Variants in STRN observed in about 807,000 individuals in gnomAD.
STRN encodes striatin, also known as protein phosphatase 2 regulatory subunit B'''alpha.
In STRN, 53 loss-of-function variants were observed where a neutral mutation model predicts 96.3. The ratio of observed to expected loss-of-function variants is 0.55; its 90% confidence interval spans 0.44 to 0.69. The LOEUF is 0.69. Among genes scored for constraint, STRN ranks in the 30% least tolerant of loss-of-function variants. STRN has a pLI of 0.00. For missense variants in STRN, 987 were observed against 963.9 expected (o/e 1.02, Z -0.32); for synonymous variants, 428 against 355.9 (o/e 1.20, Z -2.28).
intron 16 of STRN, among the ~76,000 whole-genome samples, chr2:36,850,429 C>T (rs1352286067): frequency 6.6e-5 from 10 of 152,070 alleles, no homozygotes; most frequent in African/African-American, 2.2e-4. Flanking sequence ...AAAACTTGGG[C>T]AAATCTCCAT....
rs1665165386 is a variant in STRN at position 36,966,396 on chromosome 2, C to T, written c.68G>A (p.Gly23Glu). The T allele has an allele frequency of 1.4e-6, 2 of 1,456,024 alleles. No individual in the cohort carries two copies. Among genetic ancestry groups the T allele is most frequent in the South Asian group, 1.4e-5 (1 of 73,648 alleles). 90.2% of individuals were successfully genotyped at this position (1,456,024 alleles called of 1,614,324 possible). Residue 23 changes from glycine to glutamate, a missense_variant, in exon 1 of 18, where the codon GGG becomes GAG. Physicochemically the swap from Gly to Glu is moderately conservative, Grantham distance 98. Coordinates refer to ENST00000263918, the MANE Select transcript of STRN (RefSeq NM_003162.4). ...GGCAGCCTCCGCCAGAGGCCCGAGC[C>T]CCTTGGCACCGCCGGCGCCCGGGTG... Reference protein sequence around the residue: ...NNHPGAGGAKGLGPLAEAAAA... With the variant: ...NNHPGAGGAKELGPLAEAAAA...
chr2:36,966,272 C>G lies in STRN; in HGVS notation c.192G>C (p.Glu64Asp), dbSNP rs763795412. ...CCACCTCCCACTGGGCTCTCTCCAC[C>G]TCGAAGCGGGCCCACTCGTGCTGCA... ...HFLQHEWARF[E>D]VERAQWEVER... is the part of the protein sequence containing the mutation. Residue 64 changes from glutamate (E) to aspartate (D), a missense_variant, in exon 1 of 18, where the codon GAG becomes GAC. Physicochemically the swap from Glu to Asp is conservative, Grantham distance 45. Coordinates refer to ENST00000263918, the MANE Select transcript of STRN (RefSeq NM_003162.4). 6.3e-7 allele frequency: 1 copy of G among 1,587,946 alleles called. No individual in the cohort carries two copies. Among genetic ancestry groups the G allele is most frequent in the East Asian group, 2.4e-5 (1 of 41,604 alleles).
chr2:36,960,848 A>T (rs891598413), intron 1 of STRN, among the ~76,000 whole-genome samples: 1 of 152,106 alleles, frequency 6.6e-6, no homozygotes, highest in Non-Finnish European at 1.5e-5. Context: ...CAGCTGTCCT[A>T]TGAGGCTGCT....
chr2:36,899,474 G>A, intron 6 of STRN, 49 bp downstream of exon 6: 1 of 1,545,718 alleles, frequency 6.5e-7, no homozygotes, highest in Non-Finnish European at 8.8e-7. Context: ...TATACAGTAT[G>A]TATTATAGTC....
At chr2:36,877,843 T>G (rs756598688) in intron 10 of STRN, 48 bp downstream of exon 10, 41 of 1,606,742 alleles carry the variant, frequency 2.6e-5, no homozygotes, top group Non-Finnish European at 3.3e-5. Flanking sequence ...CCCAAGTTTT[T>G]GTTTTTAAAA....
chr2:36,929,499 C>T (rs940365251), intron 1 of STRN, among the ~76,000 whole-genome samples: 10 of 152,058 alleles, frequency 6.6e-5, no homozygotes, highest in Admixed American at 5.9e-4. Flanking sequence ...ATTCTCCTAC[C>T]TCACCCTCCT....
chr2:36,857,489 A>C (rs1202944437), intron 14 of STRN, among the ~76,000 whole-genome samples: 7 of 152,044 alleles, frequency 4.6e-5, no homozygotes, highest in African/African-American at 1.7e-4. Context: ...AGCCTGGCCA[A>C]CACAGCAAAA....
intron 2 of STRN, among the ~76,000 whole-genome samples, chr2:36,920,592 C>A (rs1350078094): frequency 2.7e-5 from 4 of 148,672 alleles, no homozygotes; most frequent in Non-Finnish European, 5.9e-5. Context: ...GAGCTGAGAT[C>A]GTGCCATGGC....
In STRN at chr2:36,841,992, G is replaced by A. The variant is rs779309416; in HGVS notation, c.*7464C>T. 1 of 152,086 alleles carries A rather than the reference G, an allele frequency of 6.6e-6. No individual in the cohort carries two copies. Among genetic ancestry groups the A allele is most frequent in the Non-Finnish European group, 1.5e-5 (1 of 68,012 alleles). 9.4% of individuals were successfully genotyped at this position (152,086 alleles called of 1,614,324 possible). A position where few individuals can be genotyped will look rare whatever the true frequency, so the allele number is the denominator to read the frequency against. Reference sequence around the variant, plus strand: ...CCCACACTCTCACCCAAGTTATCCAGCCCCCAAAATAAACTGTTTCTGATA... The same window carrying A: ...CCCACACTCTCACCCAAGTTATCCAACCCCCAAAATAAACTGTTTCTGATA... On this transcript the variant is annotated 3_prime_UTR_variant, in exon 18 of 18. Coordinates refer to ENST00000263918, the MANE Select transcript of STRN (RefSeq NM_003162.4).
chr2:36,896,915 C>T (rs1175336228), intron 6 of STRN, among the ~76,000 whole-genome samples: 1 of 152,138 alleles, frequency 6.6e-6, no homozygotes, highest in African/African-American at 2.4e-5. Context: ...CACCTGTAAT[C>T]CCTGCACTTT....
At chr2:36,933,883 G>A (rs12616770) in intron 1 of STRN, among the ~76,000 whole-genome samples, 4,551 of 152,292 alleles carry the variant, frequency 0.03, 102 homozygotes, top group East Asian at 0.13. Context: ...GCCGAGGCAG[G>A]TGGATCACCC....
chr2:36,848,014 G>A lies in STRN; in HGVS notation c.*1442C>T, dbSNP rs901357543. ...CTGTCATTTGGGACAAAGAGTAAGAGAGACATAAACCACTATAGAAATAAT... is the reference window on the plus strand; with the variant it reads ...CTGTCATTTGGGACAAAGAGTAAGAAAGACATAAACCACTATAGAAATAAT... On this transcript the variant is annotated 3_prime_UTR_variant, in exon 18 of 18. Transcript: ENST00000263918. 6.6e-6 allele frequency: 1 copy of A among 152,184 alleles called. No individual in the cohort carries two copies. Among genetic ancestry groups the A allele is most frequent in the Non-Finnish European group, 1.5e-5 (1 of 68,038 alleles). 9.4% of individuals were successfully genotyped at this position (152,184 alleles called of 1,614,324 possible).
intron 1 of STRN, among the ~76,000 whole-genome samples, chr2:36,965,362 T>G (rs547730845): frequency 6.6e-6 from 1 of 152,342 alleles, no homozygotes; most frequent in East Asian, 1.9e-4. Context: ...TTGTAAAGTA[T>G]CAGCCTCACT....
At chr2:36,929,759 G>A (rs973505750) in intron 1 of STRN, among the ~76,000 whole-genome samples, 12 of 152,282 alleles carry the variant, frequency 7.9e-5, no homozygotes, top group Admixed American at 2.0e-4. Flanking sequence ...TCACTGAGAA[G>A]TAAATTCAAA....
At chr2:36,927,870 T>C (rs147534792) in intron 1 of STRN, among the ~76,000 whole-genome samples, 2,802 of 152,318 alleles carry the variant, frequency 0.018, 76 homozygotes, top group African/African-American at 0.058. Flanking sequence ...AATTTTAGAA[T>C]GGTATCCTTC....
chr2:36,905,672 T>C (rs1024440714), intron 3 of STRN, 54 bp from the exon 4 acceptor site: 2 of 1,425,080 alleles, frequency 1.4e-6, no homozygotes, highest in East Asian at 2.3e-5. Context: ...TTAGAGGGCA[T>C]CTTAATTCAT....
At chr2:36,956,797 T>C (rs1311485355) in intron 1 of STRN, among the ~76,000 whole-genome samples, 1 of 152,254 alleles carries the variant, frequency 6.6e-6, no homozygotes, top group Non-Finnish European at 1.5e-5. Context: ...AGAAGTGCTG[T>C]CTGTCAACAT....
At chr2:36,920,934 G>A (rs1253170620) in intron 2 of STRN, among the ~76,000 whole-genome samples, 1 of 151,932 alleles carries the variant, frequency 6.6e-6, no homozygotes, top group African/African-American at 2.4e-5. Context: ...AATTAGCCCA[G>A]TGTGGTGGTA....
intron 7 of STRN, among the ~76,000 whole-genome samples, chr2:36,890,155 A>T (rs996354082): frequency 6.6e-6 from 1 of 152,214 alleles, no homozygotes; most frequent in African/African-American, 2.4e-5. Flanking sequence ...CTTGCCTAAA[A>T]TATGAGTAAC....
Sources: allele counts gnomAD v4.1 joint callset (sites outside exome capture counted in the v4.1 genomes callset), GRCh38; gene constraint gnomAD v4.1.1; transcripts MANE v1.5; gene names NCBI Gene and HGNC (gene_info 2026-07-23, HGNC 2026-07-21).